The following TAFA1 variants were observed in gnomAD, a reference collection of about 807,000 sequenced individuals.
TAFA1 encodes the protein chemokine-like protein TAFA-1.
Under a neutral mutation model 18.5 loss-of-function variants are expected in TAFA1, and 4 were observed. The observed-to-expected ratio is 0.22, with a 90% CI of 0.11 to 0.49. The LOEUF is 0.49. Ranked by LOEUF, TAFA1 falls within the 20% of genes least tolerant of loss-of-function variation. The pLI is 0.98. For synonymous variants in TAFA1, 56 were observed against 55.2 expected (o/e 1.01, Z -0.06); for missense variants, 147 against 169.0 (o/e 0.87, Z 0.72).
intron 2 of TAFA1, among the ~76,000 whole-genome samples, chr3:68,063,390 A>C (rs1163918917): frequency 1.3e-5 from 2 of 152,170 alleles, no homozygotes; most frequent in Non-Finnish European, 2.9e-5. Context: ...AGATGCAATA[A>C]ATTTGGCATG....
At chr3:68,300,803 G>A (rs1038906378) in intron 2 of TAFA1, among the ~76,000 whole-genome samples, 2 of 152,128 alleles carry the variant, frequency 1.3e-5, no homozygotes, top group African/African-American at 4.8e-5. Context: ...TTTTATAAGT[G>A]TTTTCTAGTT....
intron 2 of TAFA1, among the ~76,000 whole-genome samples, chr3:68,180,287 G>A (rs761752169): frequency 6.6e-6 from 1 of 151,684 alleles, no homozygotes; most frequent in Non-Finnish European, 1.5e-5. Context: ...TTATCCACCT[G>A]CTTTGGCCAC....
chr3:68,358,740 A>T (rs148267830), intron 2 of TAFA1, among the ~76,000 whole-genome samples: 4 of 152,084 alleles, frequency 2.6e-5, no homozygotes, highest in African/African-American at 4.8e-5. Context: ...TGTAGCCTTC[A>T]GGATGACAGA....
intron 3 of TAFA1, among the ~76,000 whole-genome samples, chr3:68,494,910 G>T (rs1246473444): frequency 6.6e-6 from 1 of 152,158 alleles, no homozygotes; most frequent in Non-Finnish European, 1.5e-5. Context: ...GGATTCCATA[G>T]GACGTTAACA....
At chr3:68,264,312 T>G (rs995839824) in intron 2 of TAFA1, among the ~76,000 whole-genome samples, 1 of 152,122 alleles carries the variant, frequency 6.6e-6, no homozygotes, top group African/African-American at 2.4e-5. Context: ...TAAACAATAG[T>G]TCAGGTCGTT....
chr3:68,239,783 TCAGA>T (rs1045416224), intron 2 of TAFA1, among the ~76,000 whole-genome samples: 4 of 152,208 alleles, frequency 2.6e-5, no homozygotes, highest in African/African-American at 9.6e-5. Flanking sequence ...ACTGAATCCC[TCAGA>T]CAATTAGTCA....
chr3:68,342,294 C>A (rs777535450), intron 2 of TAFA1, among the ~76,000 whole-genome samples: 3 of 152,170 alleles, frequency 2.0e-5, no homozygotes, highest in Non-Finnish European at 4.4e-5. Flanking sequence ...CATCTTGATG[C>A]AGAACAACAA....
intron 4 of TAFA1, among the ~76,000 whole-genome samples, chr3:68,539,723 G>T (rs1195312079): frequency 1.5e-5 from 2 of 134,914 alleles, no homozygotes; most frequent in African/African-American, 5.7e-5. Context: ...TGTGTGTGGT[G>T]GGGGGAGGGG....
At chr3:68,262,337 A>G (rs1301995092) in intron 2 of TAFA1, among the ~76,000 whole-genome samples, 2 of 85,840 alleles carry the variant, frequency 2.3e-5, no homozygotes, top group Non-Finnish European at 4.4e-5. Context: ...ATATATATAT[A>G]TATATATATA....
chr3:68,239,356 T>C (rs956899628), intron 2 of TAFA1, among the ~76,000 whole-genome samples: 1 of 152,192 alleles, frequency 6.6e-6, no homozygotes, highest in Non-Finnish European at 1.5e-5. Context: ...CAGAAACTTA[T>C]TTACAATTAA....
intron 2 of TAFA1, among the ~76,000 whole-genome samples, chr3:68,286,919 A>G (rs73836850): frequency 0.034 from 5,247 of 152,296 alleles, 216 homozygotes; most frequent in African/African-American, 0.1. Flanking sequence ...TCAAGCTGTT[A>G]ACAGGGCCAT....
chr3:68,497,825 T>C (rs1348148324), intron 3 of TAFA1, among the ~76,000 whole-genome samples: 1 of 152,144 alleles, frequency 6.6e-6, no homozygotes, highest in Non-Finnish European at 1.5e-5. Context: ...TTGACTGCTG[T>C]GCATAGAAAT....
chr3:68,504,219 G>C (rs1511902), intron 3 of TAFA1, among the ~76,000 whole-genome samples: 30,867 of 151,918 alleles, frequency 0.2, 3,240 homozygotes, highest in Middle Eastern at 0.24. Flanking sequence ...TCTTTCTTTC[G>C]CATAAAACCT....
At chr3:68,461,341 AC>A (rs1179515704) in intron 3 of TAFA1, among the ~76,000 whole-genome samples, 3 of 138,428 alleles carry the variant, frequency 2.2e-5, no homozygotes, top group Non-Finnish European at 4.7e-5. Context: ...TCCTGAAGGA[AC>A]CCAGGCCAAT....
At chr3:68,201,712 G>A (rs565860218) in intron 2 of TAFA1, among the ~76,000 whole-genome samples, 114 of 151,706 alleles carry the variant, frequency 7.5e-4, no homozygotes, top group African/African-American at 2.5e-3. Flanking sequence ...TTTATTTTAT[G>A]TTTCTATAAC....
rs916992368 is a variant in TAFA1, at chr3:68,115,968, T to G, written c.118+109224T>G. 1.4e-4 allele frequency among the ~76,000 whole-genome samples: 21 copies of G among 152,246 alleles called. No homozygotes were observed. The East Asian group carries it at 4.1e-3, about 29-fold the overall frequency. On this transcript the variant is annotated intron_variant, in intron 2 of 4. Transcript: ENST00000478136. Reference sequence around the variant, plus strand: ...AGACCACCCTCTAATAAAAATATGTTAATCTGGGCTGGACACGGTGGCTCA... The same window carrying G: ...AGACCACCCTCTAATAAAAATATGTGAATCTGGGCTGGACACGGTGGCTCA...
intron 2 of TAFA1, chr3:68,246,877 T>G (rs1444725830): frequency 6.6e-6 from 1 of 152,094 alleles, no homozygotes; most frequent in Non-Finnish European, 1.5e-5. Context: ...AGTTCAAGAT[T>G]GGGGAAATCT....
intron 2 of TAFA1, among the ~76,000 whole-genome samples, chr3:68,080,187 T>C (rs1197637481): frequency 6.6e-6 from 1 of 152,224 alleles, no homozygotes; most frequent in East Asian, 1.9e-4. Context: ...TCCATCCTTT[T>C]ATTTTGAGCC....
intron 2 of TAFA1, among the ~76,000 whole-genome samples, chr3:68,039,249 C>T (rs1362346152): frequency 6.6e-6 from 1 of 152,108 alleles, no homozygotes; most frequent in Non-Finnish European, 1.5e-5. Flanking sequence ...CCAGAGTATT[C>T]ATAGATGATT....
Sources: allele counts gnomAD v4.1 joint callset (sites outside exome capture counted in the v4.1 genomes callset), GRCh38; gene constraint gnomAD v4.1.1; transcripts MANE v1.5; gene names NCBI Gene and HGNC (gene_info 2026-07-23, HGNC 2026-07-21).